The following RYR2 variants were observed in gnomAD, a reference collection of about 807,000 sequenced individuals.
The protein encoded by RYR2 is ryanodine receptor 2.
A neutral mutation model predicts 601.1 loss-of-function variants in RYR2; 227 were observed. The observed-to-expected ratio is 0.38, with a 90% CI of 0.34 to 0.42. RYR2 has a LOEUF of 0.42. Ranked by LOEUF, RYR2 falls within the 10% of genes least tolerant of loss-of-function variation. The pLI, the probability that RYR2 is intolerant of heterozygous loss-of-function variation, is 1.00. For missense variants in RYR2, 4,646 were observed against 6,156.5 expected, an observed-to-expected ratio of 0.75 and a Z score of 8.21; for synonymous variants, 2,223 against 2,175.1, an observed-to-expected ratio of 1.02 and a Z score of -0.61.
intron 80 of RYR2, 65 bp downstream of exon 80, chr1:237,742,414 C>T (rs371749716): frequency 1.7e-6 from 2 of 1,147,258 alleles, no homozygotes; most frequent in Non-Finnish European, 2.6e-6. Flanking sequence ...TAGCTTATAA[C>T]TGACATTTAT....
chr1:237,709,135 G>A (rs756031954), intron 69 of RYR2, 37 bp downstream of exon 69: 6 of 1,511,582 alleles, frequency 4.0e-6, no homozygotes, highest in East Asian at 2.3e-5. Flanking sequence ...TCTCCAATTC[G>A]GTCATAACGT....
chr1:237,393,223 T>C (rs1327812638), intron 10 of RYR2, among the ~76,000 whole-genome samples: 2 of 152,154 alleles, frequency 1.3e-5, no homozygotes, highest in Admixed American at 6.5e-5. Context: ...TACTTTCAAA[T>C]GCAGGCCAAT....
intron 66 of RYR2, 30 bp from the exon 67 acceptor site, chr1:237,705,182 AC>A: frequency 2.5e-6 from 4 of 1,591,652 alleles, no homozygotes; most frequent in Non-Finnish European, 3.4e-6. Context: ...CACTTGGAAG[AC>A]CTTAAAACAT....
At chr1:237,619,569 A>G (rs1678850996) in intron 38 of RYR2, among the ~76,000 whole-genome samples, 1 of 152,174 alleles carries the variant, frequency 6.6e-6, no homozygotes, top group South Asian at 2.1e-4. Flanking sequence ...GAAGAAAATA[A>G]TGCTGAAAAC....
At chr1:237,609,943 C>T (rs1438914289) in intron 35 of RYR2, among the ~76,000 whole-genome samples, 1 of 152,004 alleles carries the variant, frequency 6.6e-6, no homozygotes, top group Non-Finnish European at 1.5e-5. Context: ...TGGTTTTTCC[C>T]CGCCTATTGT....
In RYR2 at chr1:237,590,926, C is replaced by T. The variant is rs373261115; in HGVS notation, c.4094C>T (p.Ala1365Val). ...GATCGTGTTGACAAAGACAAAGAAG[C>T]TACTAAACCAGAGTTTAACAACCAC... is the stretch of plus-strand genomic sequence containing the variant. ...VPDRVDKDKE[A>V]TKPEFNNHKD... The change falls in exon 31 of 105, where the codon GCT becomes GTT. Residue 1365 changes from alanine to valine, a missense_variant. By Grantham distance (64) the Ala-to-Val change is moderately conservative (BLOSUM62 0). Transcript: ENST00000366574. 174 of 1,613,858 alleles carry T rather than the reference C, an allele frequency of 1.1e-4. 2 individuals are homozygous for T. The East Asian group carries it at 3.5e-3, about 33-fold the overall frequency.
intron 8 of RYR2, among the ~76,000 whole-genome samples, chr1:237,384,929 G>T (rs528904175): frequency 6.6e-6 from 1 of 151,022 alleles, no homozygotes; most frequent in African/African-American, 2.4e-5. Flanking sequence ...CGCTCTTTTC[G>T]CCCAGGCTGC....
chr1:237,765,733 C>G (rs759936878), intron 84 of RYR2, among the ~76,000 whole-genome samples: 18 of 152,144 alleles, frequency 1.2e-4, no homozygotes, highest in Non-Finnish European at 1.9e-4. Flanking sequence ...ATTTTCTCTT[C>G]AAGGAAAACT....
At chr1:237,617,796 A>G (rs947604819) in intron 38 of RYR2, among the ~76,000 whole-genome samples, 1 of 152,174 alleles carries the variant, frequency 6.6e-6, no homozygotes, top group Admixed American at 6.5e-5. Context: ...TCTTCCACTC[A>G]TAGGAATTTT....
At chr1:237,193,271 G>A (rs955889205) in intron 1 of RYR2, among the ~76,000 whole-genome samples, 10 of 151,522 alleles carry the variant, frequency 6.6e-5, no homozygotes, top group Non-Finnish European at 1.2e-4. Context: ...CGAGACTATC[G>A]TGGCTAACAT....
intron 1 of RYR2, among the ~76,000 whole-genome samples, chr1:237,115,776 G>A (rs976772919): frequency 6.6e-6 from 1 of 152,116 alleles, no homozygotes; most frequent in African/African-American, 2.4e-5. Flanking sequence ...AAACTGCAAC[G>A]TTCACTTAAT....
At chr1:237,670,182 G>C (rs946805890) in intron 58 of RYR2, among the ~76,000 whole-genome samples, 2 of 151,112 alleles carry the variant, frequency 1.3e-5, no homozygotes, top group African/African-American at 2.4e-5. Flanking sequence ...GCAGGCACTC[G>C]GCAGGCTGAG....
intron 8 of RYR2, among the ~76,000 whole-genome samples, chr1:237,382,126 G>A (rs1701572820): frequency 2.0e-5 from 3 of 152,172 alleles, no homozygotes; most frequent in Admixed American, 2.0e-4. Context: ...TTTTCAATCT[G>A]TGGATTGGAT....
intron 1 of RYR2, among the ~76,000 whole-genome samples, chr1:237,229,257 CA>C (rs1362580925): frequency 6.6e-6 from 1 of 152,212 alleles, no homozygotes; most frequent in Non-Finnish European, 1.5e-5. Context: ...AAGTATTCTA[CA>C]GGAGAAATGT....
At chr1:237,812,799 C>G (rs1661385992) in intron 100 of RYR2, among the ~76,000 whole-genome samples, 2 of 152,132 alleles carry the variant, frequency 1.3e-5, no homozygotes, top group African/African-American at 4.8e-5. Flanking sequence ...TTTCTATCAC[C>G]CCCTGATTTG....
At chr1:237,786,485 A>G (rs1221663153) in intron 91 of RYR2, among the ~76,000 whole-genome samples, 3 of 152,240 alleles carry the variant, frequency 2.0e-5, no homozygotes, top group African/African-American at 2.4e-5. Flanking sequence ...GACCACATGC[A>G]TAAAAGTCCC....
intron 25 of RYR2, 44 bp downstream of exon 25, chr1:237,530,554 T>C: frequency 7.2e-7 from 1 of 1,388,196 alleles, no homozygotes; most frequent in Non-Finnish European, 1.0e-6. Flanking sequence ...TGTGTAGAGA[T>C]TTAGTGCAAC....
chr1:237,554,530 T>C (rs1399255943), intron 27 of RYR2, among the ~76,000 whole-genome samples: 1 of 151,988 alleles, frequency 6.6e-6, no homozygotes, highest in Non-Finnish European at 1.5e-5. Flanking sequence ...CTCTTCTGTT[T>C]TCTGAAAGAA....
chr1:237,418,982 C>T (rs1176080050), intron 11 of RYR2, among the ~76,000 whole-genome samples: 2 of 151,524 alleles, frequency 1.3e-5, no homozygotes, highest in African/African-American at 4.9e-5. Flanking sequence ...AAACTCATAG[C>T]TTTTATATAT....
Sources: allele counts gnomAD v4.1 joint callset (sites outside exome capture counted in the v4.1 genomes callset), GRCh38; gene constraint gnomAD v4.1.1; transcripts MANE v1.5; gene names NCBI Gene and HGNC (gene_info 2026-07-23, HGNC 2026-07-21).